SMC5: variants seen among roughly 807,000 people sequenced by gnomAD.
The protein encoded by SMC5 is structural maintenance of chromosomes protein 5.
In SMC5, 88 loss-of-function variants were observed where a neutral mutation model predicts 148.3. The observed-to-expected ratio is 0.59, with a 90% CI of 0.50 to 0.71. SMC5 has a LOEUF of 0.71. Ranked by LOEUF, SMC5 falls within the 30% of genes least tolerant of loss-of-function variation. The pLI, the probability that SMC5 is intolerant of heterozygous loss-of-function variation, is 0.00. For missense variants in SMC5, 1,142 were observed against 1,298.9 expected (o/e 0.88, Z 1.86); for synonymous variants, 421 against 432.8 (o/e 0.97, Z 0.34).
chr9:70,299,899 A>G (rs755056616), intron 9 of SMC5, 147 bp from the exon 10 acceptor site: 2 of 514,592 alleles, frequency 3.9e-6, no homozygotes, highest in Non-Finnish European at 3.1e-6. Flanking sequence ...AGATTTGTTC[A>G]GGTCACATAT....
chr9:70,316,325 T>C (rs1048727940), intron 13 of SMC5, among the ~76,000 whole-genome samples: 1 of 152,088 alleles, frequency 6.6e-6, no homozygotes, highest in Non-Finnish European at 1.5e-5. Context: ...TTAAAAAATA[T>C]GTTTTACATT....
chr9:70,276,311 G>C (rs572381287), intron 3 of SMC5, among the ~76,000 whole-genome samples: 13 of 152,276 alleles, frequency 8.5e-5, no homozygotes, highest in African/African-American at 3.1e-4. Flanking sequence ...TCACTTGATT[G>C]GGCGAATGCC....
intron 1 of SMC5, among the ~76,000 whole-genome samples, chr9:70,263,718 C>G (rs1262424029): frequency 2.0e-5 from 3 of 152,162 alleles, no homozygotes; most frequent in African/African-American, 7.2e-5. Flanking sequence ...CTCCTAGGCT[C>G]AAGTAGTACC....
At chr9:70,337,445 G>C (rs1189581343) in intron 17 of SMC5, among the ~76,000 whole-genome samples, 1 of 109,514 alleles carries the variant, frequency 9.1e-6, no homozygotes, top group Non-Finnish European at 2.0e-5. Context: ...TGTGTTTTGG[G>C]ATTTGTTTTT....
intron 9 of SMC5, 43 bp downstream of exon 9, chr9:70,298,264 A>G (rs1479572067): frequency 6.4e-7 from 1 of 1,562,556 alleles, no homozygotes. Flanking sequence ...TAAAATGTAG[A>G]TACATCTCTG....
At chr9:70,349,373 G>A (rs2036750075) in intron 22 of SMC5, among the ~76,000 whole-genome samples, 1 of 152,034 alleles carries the variant, frequency 6.6e-6, no homozygotes, top group Non-Finnish European at 1.5e-5. Context: ...GGCCTAATTA[G>A]TAAGTTATGT....
In SMC5 at chr9:70,259,073, G is replaced by A. The variant is rs1326027337; in HGVS notation, c.-6G>A. 2 of 1,601,258 alleles carry A rather than the reference G, an allele frequency of 1.2e-6. No homozygotes were observed. The highest frequency in any genetic ancestry group is 1.7e-6 in the Non-Finnish European group (2 of 1,172,858). ...GAAGTCGCTGTGGGACGCTGAGGAA[G>A]CCAGGATGGCGACTCCGAGCAAGAA... On this transcript the variant is annotated 5_prime_UTR_variant, in exon 1 of 25. Coordinates refer to ENST00000361138, the MANE Select transcript of SMC5 (RefSeq NM_015110.4).
chr9:70,314,778 A>C lies in SMC5; in HGVS notation c.1615A>C (p.Ile539Leu), dbSNP rs749335405. Residue 539 changes from isoleucine (I) to leucine (L), a missense_variant, in exon 12 of 25, where the codon ATT becomes CTT. Ile to Leu is a conservative substitution (Grantham distance 5, BLOSUM62 2). Around this residue, in one of 5 missense-constraint regions of SMC5, gnomAD observed 743 missense variants for 835.7 expected, o/e 0.89. Coordinates refer to ENST00000361138, the MANE Select transcript of SMC5 (RefSeq NM_015110.4). ...DNKKLRVNAV[I>L]APKSSYADKA... ...TAAAAAATTAAGAGTAAATGCTGTT[A>C]TTGCTCCCAAGAGTTCATATGCAGA... The C allele has an allele frequency of 6.4e-7, 1 of 1,574,280 alleles. No individual in the cohort carries two copies. The highest frequency in any genetic ancestry group is 8.6e-7 in the Non-Finnish European group (1 of 1,159,644).
rs532054865 is a variant in SMC5 at position 70,320,849 on chromosome 9, A to G, written c.2150+1886A>G. ...GAATTTGGCATTTTTAAAAATTTCA[A>G]TTGCATGGCAGTGAAGAATCTAAGA... On this transcript the variant is annotated intron_variant, in intron 15 of 24. Transcript: ENST00000361138. 3.3e-5 allele frequency among the ~76,000 whole-genome samples: 5 copies of G among 152,338 alleles called. No homozygotes were observed. In the East Asian group the frequency reaches 5.8e-4, roughly 18 times the overall value.
At chr9:70,332,336 G>A (rs1216558324) in intron 17 of SMC5, among the ~76,000 whole-genome samples, 3 of 151,742 alleles carry the variant, frequency 2.0e-5, no homozygotes, top group Non-Finnish European at 2.9e-5. Flanking sequence ...TCTGGGCAAC[G>A]TGGCAAAACC....
Position 70,347,940 on chromosome 9 carries a change from C to G in SMC5, c.2791C>G (p.Pro931Ala). ...GTAGGTAAAAGAAAGGTGGCTTAATCCTTTAAAAGAGCTGGTAGAAAAAAT... is the reference window on the plus strand; with the variant it reads ...GTAGGTAAAAGAAAGGTGGCTTAATGCTTTAAAAGAGCTGGTAGAAAAAAT... ...ISQVKERWLN[P>A]LKELVEKINE... Residue 931 changes from proline to alanine, a missense_variant, in exon 22 of 25, where the codon CCT becomes GCT. Pro to Ala is a conservative substitution (Grantham distance 27). Coordinates refer to ENST00000361138, the MANE Select transcript of SMC5 (RefSeq NM_015110.4). The G allele has an allele frequency of 6.3e-7, 1 of 1,598,830 alleles. No homozygotes were observed. Among genetic ancestry groups the G allele is most frequent in the South Asian group, 1.1e-5 (1 of 88,340 alleles).
chr9:70,344,819 G>C (rs1161724524), intron 18 of SMC5: 1 of 151,930 alleles, frequency 6.6e-6, no homozygotes, highest in Admixed American at 6.6e-5. Context: ...ACTTTGCCTA[G>C]ATACCTATTC....
intron 1 of SMC5, among the ~76,000 whole-genome samples, chr9:70,259,993 G>A (rs1321259294): frequency 6.7e-6 from 1 of 149,290 alleles, no homozygotes; most frequent in Non-Finnish European, 1.5e-5. Context: ...CACGCTGGAT[G>A]GAGTGCTGTG....
At chr9:70,283,059 T>C (rs2034795173) in intron 7 of SMC5, among the ~76,000 whole-genome samples, 1 of 152,228 alleles carries the variant, frequency 6.6e-6, no homozygotes, top group Non-Finnish European at 1.5e-5. Context: ...ATTTGAGAAT[T>C]GTTTAAATTC....
At chr9:70,291,508 A>G (rs1429109923) in intron 8 of SMC5, among the ~76,000 whole-genome samples, 2 of 152,162 alleles carry the variant, frequency 1.3e-5, no homozygotes, top group Non-Finnish European at 2.9e-5. Context: ...CAGTCCTGCT[A>G]ATGCACATGA....
At chr9:70,344,352 G>A (rs1015038324) in intron 18 of SMC5, 83 bp downstream of exon 18, 19 of 1,074,284 alleles carry the variant, frequency 1.8e-5, no homozygotes, top group East Asian at 1.7e-4. Context: ...GTAACAGGCC[G>A]TGAAAAACAT....
chr9:70,274,105 A>G (rs560049978), intron 3 of SMC5, among the ~76,000 whole-genome samples: 22 of 152,248 alleles, frequency 1.4e-4, no homozygotes, highest in African/African-American at 4.8e-4. Context: ...AAAATTGTTT[A>G]TCTTCTCGCT....
rs544021629 is a variant in SMC5 at position 70,307,565 on chromosome 9, C to T, written c.1578+2205C>T. On this transcript the variant is annotated intron_variant, in intron 11 of 24. Coordinates refer to ENST00000361138, the MANE Select transcript of SMC5 (RefSeq NM_015110.4). ...TTGCCCAGGCTGGAGTGCAATGGCA[C>T]GCTCTTGGCTCACTGCAACCTCCGC... Among the ~76,000 whole-genome samples the T allele has an allele frequency of 4.6e-5, 7 of 151,990 alleles. No homozygotes were observed. In the South Asian group the frequency reaches 8.3e-4, roughly 18 times the overall value.
intron 6 of SMC5, 85 bp downstream of exon 6, chr9:70,280,984 A>C: frequency 6.9e-7 from 1 of 1,439,794 alleles, no homozygotes; most frequent in African/African-American, 1.4e-5. Flanking sequence ...CTGTGTATTC[A>C]AGTTAGGTGC....
Sources: gnomAD v4.1 joint callset for allele counts (sites outside exome capture counted in the v4.1 genomes callset) on GRCh38, gnomAD v4.1.1 for gene constraint, gnomAD v4.1.1 regional missense constraint, MANE v1.5 for transcripts, NCBI Gene and HGNC (gene_info 2026-07-23, HGNC 2026-07-21) for gene names.